The following PSD3 variants were observed in gnomAD, a reference collection of about 807,000 sequenced individuals.
PSD3 encodes the protein pleckstrin and Sec7 domain containing 3.
In PSD3, 49 loss-of-function variants were observed where a neutral mutation model predicts 105.5. The ratio of observed to expected loss-of-function variants is 0.46; its 90% confidence interval spans 0.37 to 0.59. The LOEUF (loss-of-function observed/expected upper bound fraction) is 0.59. Ranked by LOEUF, PSD3 falls within the 20% of genes least tolerant of loss-of-function variation. The pLI, the probability that PSD3 is intolerant of heterozygous loss-of-function variation, is 0.00. For missense variants in PSD3, 1,561 were observed against 1,263.8 expected (o/e 1.24, Z -3.57); for synonymous variants, 557 against 457.8 (o/e 1.22, Z -2.77).
At chr8:18,709,444 G>C (rs1367562312) in intron 9 of PSD3, among the ~76,000 whole-genome samples, 3 of 152,220 alleles carry the variant, frequency 2.0e-5, no homozygotes, top group African/African-American at 7.2e-5. Flanking sequence ...GGTCAGCTCA[G>C]AAAAGTGGGA....
intron 1 of PSD3, among the ~76,000 whole-genome samples, chr8:18,992,111 G>C (rs928334841): frequency 1.3e-5 from 2 of 152,140 alleles, no homozygotes; most frequent in African/African-American, 4.8e-5. Context: ...ATTTTTAACA[G>C]GTTTATACCC....
intron 1 of PSD3, among the ~76,000 whole-genome samples, chr8:18,998,652 A>C (rs1267074560): frequency 6.6e-6 from 1 of 151,922 alleles, no homozygotes; most frequent in Non-Finnish European, 1.5e-5. Context: ...TTGCCACTGC[A>C]CTCCAGCCCG....
chr8:19,029,333 A>G (rs561291714), intron 1 of PSD3, among the ~76,000 whole-genome samples: 1 of 152,328 alleles, frequency 6.6e-6, no homozygotes, highest in Admixed American at 6.5e-5. Flanking sequence ...TTATTTAAGC[A>G]ATGTTCTACA....
chr8:18,826,658 G>A (rs1334572722), intron 4 of PSD3, among the ~76,000 whole-genome samples: 1 of 152,206 alleles, frequency 6.6e-6, no homozygotes, highest in East Asian at 1.9e-4. Context: ...GAAGTTTGAA[G>A]AATGCATGTC....
chr8:18,600,298 C>A, intron 12 of PSD3, 66 bp downstream of exon 12: 1 of 1,382,362 alleles, frequency 7.2e-7, no homozygotes, highest in Non-Finnish European at 1.0e-6. Context: ...ACCGTACATA[C>A]ATATACTGGA....
chr8:18,600,420 G>A lies in PSD3; in HGVS notation c.2425C>T (p.Arg809Ter). The change falls in exon 12 of 16, where the codon CGA becomes TGA. Residue 809 changes from arginine to a stop codon, truncating the protein, a stop_gained. Coordinates refer to ENST00000327040, the MANE Select transcript of PSD3 (RefSeq NM_015310.4). LOFTEE classifies it high-confidence loss of function. ...ACAGCATAAAAGGTTTTCCATCCTC[G>A]TTTTCCTCTTGGAGCTAGAAAGGGG... ...MDGKKTPRGK[R>*]GWKTFYAVLK... 2.5e-6 allele frequency: 4 copies of A among 1,603,220 alleles called. No homozygotes were observed. Among genetic ancestry groups the A allele is most frequent in the Non-Finnish European group, 3.4e-6 (4 of 1,176,968 alleles).
At chr8:18,993,414 G>T (rs1293205420) in intron 1 of PSD3, among the ~76,000 whole-genome samples, 1 of 149,544 alleles carries the variant, frequency 6.7e-6, no homozygotes, top group African/African-American at 2.4e-5. Flanking sequence ...TTGTTTCAGA[G>T]TATAGTGGCA....
intron 10 of PSD3, among the ~76,000 whole-genome samples, chr8:18,651,581 T>C (rs1808485009): frequency 6.6e-6 from 1 of 152,170 alleles, no homozygotes; most frequent in African/African-American, 2.4e-5. Context: ...AAGGGACAAA[T>C]CCAGACATGT....
chr8:18,929,102 T>C (rs1039047702), intron 2 of PSD3, among the ~76,000 whole-genome samples: 2 of 152,252 alleles, frequency 1.3e-5, no homozygotes, highest in Admixed American at 6.5e-5. Flanking sequence ...TTGTATGGTT[T>C]ACAAATTGTA....
At chr8:18,914,353 A>G (rs55839409) in intron 2 of PSD3, among the ~76,000 whole-genome samples, 31,240 of 152,114 alleles carry the variant, frequency 0.21, 4,274 homozygotes, top group Non-Finnish European at 0.29. Flanking sequence ...GCACAGTACT[A>G]GAACTCCTAG....
chr8:18,731,140 C>T (rs1803718467), intron 9 of PSD3, among the ~76,000 whole-genome samples: 1 of 151,964 alleles, frequency 6.6e-6, no homozygotes, highest in South Asian at 2.1e-4. Flanking sequence ...GCTGAAATCC[C>T]AGCTACTCGG....
intron 1 of PSD3, among the ~76,000 whole-genome samples, chr8:18,996,537 A>G (rs1232189757): frequency 6.6e-6 from 1 of 151,990 alleles, no homozygotes; most frequent in Non-Finnish European, 1.5e-5. Context: ...TTACAACAGT[A>G]AGCTAGATGA....
chr8:18,663,121 G>A (rs1809479412), intron 9 of PSD3, among the ~76,000 whole-genome samples: 1 of 152,154 alleles, frequency 6.6e-6, no homozygotes, highest in Admixed American at 6.5e-5. Context: ...CTCTGGGGAT[G>A]CACAAAATCA....
intron 4 of PSD3, among the ~76,000 whole-genome samples, chr8:18,836,049 T>G (rs1814082296): frequency 6.6e-6 from 1 of 152,162 alleles, no homozygotes; most frequent in Non-Finnish European, 1.5e-5. Flanking sequence ...TTCAGAGTGG[T>G]AACACAGTTG....
At chr8:19,043,715 G>C (rs1177629204) in intron 1 of PSD3, among the ~76,000 whole-genome samples, 2 of 152,104 alleles carry the variant, frequency 1.3e-5, no homozygotes, top group South Asian at 2.1e-4. Context: ...GCTTTTGAGA[G>C]TAGGCTCCTT....
intron 4 of PSD3, among the ~76,000 whole-genome samples, chr8:18,842,560 C>T (rs1472749231): frequency 1.3e-5 from 2 of 151,996 alleles, no homozygotes; most frequent in Non-Finnish European, 2.9e-5. Context: ...GGTGAAACCC[C>T]GTGTCTACTA....
intron 15 of PSD3, among the ~76,000 whole-genome samples, chr8:18,544,989 G>C (rs558186203): frequency 6.6e-6 from 1 of 152,296 alleles, no homozygotes; most frequent in South Asian, 2.1e-4. Context: ...TAGAAAGCAG[G>C]TGCTTTTACC....
At chr8:18,784,212 T>C (rs1490167279) in intron 8 of PSD3, among the ~76,000 whole-genome samples, 1 of 152,222 alleles carries the variant, frequency 6.6e-6, no homozygotes, top group East Asian at 1.9e-4. Flanking sequence ...ATTTCCTTGT[T>C]GATATCGTGC....
chr8:19,014,763 G>C (rs369228486), upstream of PSD3, among the ~76,000 whole-genome samples: 1 of 152,144 alleles, frequency 6.6e-6, no homozygotes, highest in South Asian at 2.1e-4. This position sits in a 1 kb window ranked among gnomAD's most constrained non-coding sequence, Gnocchi z 4.9. Context: ...CCACGATCTC[G>C]CCCACCATGT....
Sources: gnomAD v4.1 joint callset for allele counts (sites outside exome capture counted in the v4.1 genomes callset) on GRCh38, gnomAD v4.1.1 for gene constraint, Gnocchi (gnomAD v3.1) non-coding constraint, MANE v1.5 for transcripts, NCBI Gene and HGNC (gene_info 2026-07-23, HGNC 2026-07-21) for gene names.